Variants in PLEKHG1 observed in about 807,000 individuals in gnomAD.
PLEKHG1 encodes pleckstrin homology and RhoGEF domain containing G1, also known as pleckstrin homology domain-containing family G member 1.
PLEKHG1 carries 44 observed loss-of-function variants against 100.8 expected under a neutral mutation model. That is an observed-to-expected ratio of 0.44 (90% CI 0.34 to 0.56). The LOEUF is 0.56. Among genes scored for constraint, PLEKHG1 ranks in the 20% least tolerant of loss-of-function variants. The probability of loss-of-function intolerance (pLI) is 0.01; values close to 1 mark genes in which losing one functional copy is unlikely to be tolerated. For missense variants in PLEKHG1, 1,545 were observed against 1,720.9 expected (o/e 0.90, Z 1.81); for synonymous variants, 640 against 662.5 (o/e 0.97, Z 0.52).
intron 2 of PLEKHG1, among the ~76,000 whole-genome samples, chr6:150,737,316 G>A (rs531754406): frequency 1.5e-5 from 2 of 131,368 alleles, no homozygotes; most frequent in Non-Finnish European, 3.1e-5. Flanking sequence ...ACGGAGTCTC[G>A]CTTTGTCGCC....
chr6:150,753,737 C>T lies in PLEKHG1; in HGVS notation c.412-14901C>T, dbSNP rs1354483725. On this transcript the variant is annotated intron_variant, in intron 2 of 15. Coordinates refer to ENST00000358517, the Ensembl canonical transcript of PLEKHG1. ...AGGTGGGTGGGAAGAGAGTTAAAAA[C>T]GAAATGCATAGTTTAGGGACCTTTG... Among the ~76,000 whole-genome samples the T allele has an allele frequency of 3.3e-5, 5 of 152,122 alleles. No homozygotes were observed. In the East Asian group the frequency reaches 5.8e-4, roughly 18 times the overall value.
At chr6:150,721,559 G>T (rs766862054) in intron 1 of PLEKHG1, among the ~76,000 whole-genome samples, 4 of 152,120 alleles carry the variant, frequency 2.6e-5, no homozygotes, top group Non-Finnish European at 5.9e-5. Flanking sequence ...GTCACGCGCC[G>T]AATGCCCAAC....
intron 3 of PLEKHG1, among the ~76,000 whole-genome samples, chr6:150,694,697 C>CAAA (rs558767058): frequency 8.7e-6 from 1 of 115,106 alleles, no homozygotes; most frequent in African/African-American, 3.1e-5. Context: ...GACTCTGTCT[C>CAAA]AAAAAAAAAA....
At chr6:150,688,382 G>A (rs536506781) in intron 3 of PLEKHG1, among the ~76,000 whole-genome samples, 3 of 151,924 alleles carry the variant, frequency 2.0e-5, no homozygotes, top group East Asian at 1.9e-4. Flanking sequence ...GTGTAGTGGC[G>A]TGATCTTGGC....
intron 1 of PLEKHG1, among the ~76,000 whole-genome samples, chr6:150,627,543 A>G (rs1397753435): frequency 2.6e-5 from 4 of 152,222 alleles, no homozygotes; most frequent in African/African-American, 9.6e-5. Context: ...ATTTTTGAGA[A>G]TAAAACTTAA....
At chr6:150,756,533 G>A (rs3734413) in intron 2 of PLEKHG1, among the ~76,000 whole-genome samples, 17,701 of 152,164 alleles carry the variant, frequency 0.12, 1,107 homozygotes, top group East Asian at 0.16. Flanking sequence ...CCCATAAAGA[G>A]GTCGGTCCTT....
chr6:150,604,079 C>T (rs1023369292), intron 1 of PLEKHG1, among the ~76,000 whole-genome samples: 1 of 152,078 alleles, frequency 6.6e-6, no homozygotes, highest in African/African-American at 2.4e-5. Flanking sequence ...AGCATTTGGC[C>T]AAAAGCTAGC....
intron 1 of PLEKHG1, among the ~76,000 whole-genome samples, chr6:150,625,399 G>T (rs1777468264): frequency 6.6e-6 from 1 of 152,122 alleles, no homozygotes; most frequent in African/African-American, 2.4e-5. Flanking sequence ...TGGTCCCTCT[G>T]TGTGTGTCTG....
chr6:150,642,173 CT>C (rs1367485495), intron 2 of PLEKHG1, among the ~76,000 whole-genome samples: 4 of 152,122 alleles, frequency 2.6e-5, no homozygotes, highest in Non-Finnish European at 5.9e-5. Context: ...GATAGTACAA[CT>C]TTGGAAACCA....
At chr6:150,611,501 G>A (rs1776825835) in intron 1 of PLEKHG1, among the ~76,000 whole-genome samples, 1 of 152,186 alleles carries the variant, frequency 6.6e-6, no homozygotes, top group African/African-American at 2.4e-5. Flanking sequence ...CTTACTTTTA[G>A]TTGCCGTGCC....
chr6:150,664,204 T>C (rs1239120868), intron 3 of PLEKHG1: 1 of 152,222 alleles, frequency 6.6e-6, no homozygotes, highest in Non-Finnish European at 1.5e-5. Flanking sequence ...CCCTTGTCCA[T>C]GTGCACCAGG....
chr6:150,758,486 C>T (rs1783975961), intron 2 of PLEKHG1, among the ~76,000 whole-genome samples: 1 of 152,178 alleles, frequency 6.6e-6, no homozygotes, highest in African/African-American at 2.4e-5. Context: ...CAGGCACACA[C>T]CACCACGCCT....
At chr6:150,814,559 A>G (rs1787742922) in intron 10 of PLEKHG1, among the ~76,000 whole-genome samples, 1 of 152,190 alleles carries the variant, frequency 6.6e-6, no homozygotes, top group African/African-American at 2.4e-5. Context: ...TATTCTTCCC[A>G]TTCTAGAAAA....
Position 150,840,441 on chromosome 6 carries a change from G to GA in PLEKHG1, c.3708dup (p.Leu1237ThrfsTer17). The GA allele has an allele frequency of 6.2e-7, 1 of 1,614,200 alleles. No homozygotes were observed. Among genetic ancestry groups the GA allele is most frequent in the Middle Eastern group, 1.6e-4 (1 of 6,062 alleles). On this transcript the variant is annotated frameshift_variant, in exon 16 of 16. Coordinates refer to ENST00000358517, the Ensembl canonical transcript of PLEKHG1. LOFTEE classifies it low-confidence loss of function (END_TRUNC). ...TGCTGACTCGCATCAACAGGGCACT[G>GA]AAAAACTCTCAGATCTCACACTCCA...
intron 6 of PLEKHG1, among the ~76,000 whole-genome samples, chr6:150,801,952 G>C (rs898547890): frequency 1.3e-5 from 2 of 152,120 alleles, no homozygotes; most frequent in African/African-American, 4.8e-5. Flanking sequence ...ACAAGCACTT[G>C]ATAAAAGTAA....
intron 1 of PLEKHG1, among the ~76,000 whole-genome samples, chr6:150,631,222 T>A (rs1021950446): frequency 6.6e-6 from 1 of 152,196 alleles, no homozygotes. Flanking sequence ...TTGAAATAAA[T>A]ATATACAGCA....
At chr6:150,669,035 T>TTAACAG (rs1483212199) in intron 3 of PLEKHG1, among the ~76,000 whole-genome samples, 1 of 152,192 alleles carries the variant, frequency 6.6e-6, no homozygotes, top group East Asian at 1.9e-4. Context: ...ACTAGGGCCT[T>TTAACAG]TTTTTGCAGG....
At chr6:150,828,255 ACTGT>A (rs1562558697) in intron 14 of PLEKHG1, 3 of 1,613,632 alleles carry the variant, frequency 1.9e-6, no homozygotes, top group Admixed American at 1.7e-5. Flanking sequence ...TGGAATGGAA[ACTGT>A]CTGAATCTGG....
chr6:150,749,898 C>T (rs1443987164), intron 2 of PLEKHG1, among the ~76,000 whole-genome samples: 1 of 151,818 alleles, frequency 6.6e-6, no homozygotes. Flanking sequence ...ATAGTGAAAC[C>T]CCGTCTCTAC....
Sources: gnomAD v4.1 joint callset for allele counts (sites outside exome capture counted in the v4.1 genomes callset) on GRCh38, gnomAD v4.1.1 for gene constraint, MANE v1.5 for transcripts, NCBI Gene and HGNC (gene_info 2026-07-23, HGNC 2026-07-21) for gene names.